Variants in ERBB4 observed in about 807,000 individuals in gnomAD.
ERBB4 encodes the protein receptor tyrosine-protein kinase erbB-4.
In ERBB4, 42 loss-of-function variants were observed where a neutral mutation model predicts 158.0. The observed-to-expected ratio is 0.27, with a 90% confidence interval of 0.21 to 0.34. The LOEUF (loss-of-function observed/expected upper bound fraction) is 0.34. Ranked by LOEUF, ERBB4 falls within the 10% of genes least tolerant of loss-of-function variation. The probability of loss-of-function intolerance (pLI) is 1.00; values close to 1 mark genes in which losing one functional copy is unlikely to be tolerated. For synonymous variants in ERBB4, 583 were observed against 558.7 expected, an observed-to-expected ratio of 1.04 and a Z score of -0.61; for missense variants, 1,333 against 1,624.1, an observed-to-expected ratio of 0.82 and a Z score of 3.08.
intron 25 of ERBB4, among the ~76,000 whole-genome samples, chr2:211,391,434 T>C (rs1443475712): frequency 6.6e-6 from 1 of 152,200 alleles, no homozygotes; most frequent in Non-Finnish European, 1.5e-5. Flanking sequence ...CAGCACTGGG[T>C]GCATCTGTTC....
intron 1 of ERBB4, among the ~76,000 whole-genome samples, chr2:212,291,627 T>C (rs1192380126): frequency 6.6e-6 from 1 of 152,082 alleles, no homozygotes; most frequent in Non-Finnish European, 1.5e-5. Context: ...TTAGATGTCA[T>C]CTGTAGCACA....
chr2:211,602,506 AAC>A (rs2068832509), intron 19 of ERBB4, among the ~76,000 whole-genome samples: 1 of 152,058 alleles, frequency 6.6e-6, no homozygotes. Context: ...AACCTGGCTA[AAC>A]CAGTCAACTT....
At chr2:211,620,379 A>C (rs1051327106) in intron 18 of ERBB4, among the ~76,000 whole-genome samples, 11 of 152,184 alleles carry the variant, frequency 7.2e-5, no homozygotes, top group African/African-American at 2.7e-4. Flanking sequence ...AGTTATAGTC[A>C]TAAAGAAAAA....
At chr2:212,467,561 A>G (rs1483354201) in intron 1 of ERBB4, among the ~76,000 whole-genome samples, 3 of 152,232 alleles carry the variant, frequency 2.0e-5, no homozygotes, top group African/African-American at 7.2e-5. Context: ...AGTGCACATA[A>G]GTCAAGAATT....
chr2:211,958,613 T>C (rs1276557149), intron 2 of ERBB4, among the ~76,000 whole-genome samples: 1 of 152,000 alleles, frequency 6.6e-6, no homozygotes, highest in East Asian at 1.9e-4. Context: ...ATGGAGGAAA[T>C]ATTAAAACAA....
chr2:212,247,009 T>G (rs545903720), intron 1 of ERBB4, among the ~76,000 whole-genome samples: 2 of 152,110 alleles, frequency 1.3e-5, no homozygotes, highest in African/African-American at 2.4e-5. Context: ...AAAATGTGAG[T>G]CATTCAAAAA....
At chr2:211,453,262 A>G (rs1037227790) in intron 20 of ERBB4, among the ~76,000 whole-genome samples, 6 of 152,204 alleles carry the variant, frequency 3.9e-5, no homozygotes, top group Non-Finnish European at 8.8e-5. Context: ...TCATGTCTTT[A>G]AAGTTTAAGT....
At chr2:212,267,597 CT>C (rs5838314) in intron 1 of ERBB4, among the ~76,000 whole-genome samples, 2,243 of 47,628 alleles carry the variant, frequency 0.047, 102 homozygotes, top group East Asian at 0.41. Flanking sequence ...GTTCTCATTT[CT>C]TTTTTTTTTT....
intron 20 of ERBB4, among the ~76,000 whole-genome samples, chr2:211,522,515 C>T (rs1283565137): frequency 2.0e-5 from 3 of 152,172 alleles, no homozygotes; most frequent in Admixed American, 6.5e-5. Context: ...TGACAACAAA[C>T]GATTTAGAGT....
chr2:212,537,822 G>A (rs1693181224), intron 1 of ERBB4, among the ~76,000 whole-genome samples: 1 of 151,676 alleles, frequency 6.6e-6, no homozygotes, highest in African/African-American at 2.4e-5. Context: ...GCTCCGGGAA[G>A]CCGGCGGAAG....
chr2:211,447,855 A>C (rs1449430626), intron 20 of ERBB4, among the ~76,000 whole-genome samples: 1 of 152,230 alleles, frequency 6.6e-6, no homozygotes, highest in Non-Finnish European at 1.5e-5. Flanking sequence ...GAATTAGAAT[A>C]TTTAAATCAA....
intron 2 of ERBB4, among the ~76,000 whole-genome samples, chr2:211,962,026 G>A (rs894751943): frequency 3.3e-5 from 5 of 152,084 alleles, no homozygotes; most frequent in Admixed American, 6.6e-5. Flanking sequence ...TTGGGATAGG[G>A]CACATAGTGG....
At chr2:211,650,948 G>A (rs1321264321) in intron 16 of ERBB4, among the ~76,000 whole-genome samples, 1 of 152,126 alleles carries the variant, frequency 6.6e-6, no homozygotes, top group Non-Finnish European at 1.5e-5. Context: ...ATGGCCATAC[G>A]TGACTAGTGG....
intron 1 of ERBB4, among the ~76,000 whole-genome samples, chr2:212,374,607 A>G (rs1040721788): frequency 1.3e-5 from 2 of 151,890 alleles, no homozygotes; most frequent in Non-Finnish European, 2.9e-5. Context: ...TGAAAATATT[A>G]CAAATATAAA....
At chr2:211,658,850 C>A (rs1294683170) in intron 15 of ERBB4, among the ~76,000 whole-genome samples, 3 of 152,044 alleles carry the variant, frequency 2.0e-5, no homozygotes, top group Non-Finnish European at 4.4e-5. Flanking sequence ...TCATTTTGAA[C>A]CAATATAGAA....
At chr2:212,191,565 AACAC>A (rs1559701220) in intron 1 of ERBB4, among the ~76,000 whole-genome samples, 446 of 22,962 alleles carry the variant, frequency 0.019, 4 homozygotes, top group Non-Finnish European at 0.035. Flanking sequence ...TGTTATATAT[AACAC>A]ATGTGTTATG....
intron 1 of ERBB4, among the ~76,000 whole-genome samples, chr2:212,463,363 A>G (rs1325159371): frequency 6.6e-6 from 1 of 152,124 alleles, no homozygotes; most frequent in Non-Finnish European, 1.5e-5. Flanking sequence ...AATGTACTCC[A>G]GAATATGAAC....
chr2:211,677,199 ATCCAGTGGGATAAT>A (rs2072110066), intron 13 of ERBB4, among the ~76,000 whole-genome samples: 2 of 152,132 alleles, frequency 1.3e-5, no homozygotes, highest in African/African-American at 4.8e-5. Flanking sequence ...TATTTATTGG[ATCCAGTGGGATAAT>A]TCATGAGGCA....
Position 211,702,847 on chromosome 2 carries a change from T to A in ERBB4, c.1290-681A>T, listed in dbSNP as rs189481314. ...CATGCACTCCATACTTGCAAAATAC[T>A]AATATTACTTTGAGTGACAGAAAAT... On this transcript the variant is annotated intron_variant, in intron 11 of 27. Coordinates refer to ENST00000342788, the MANE Select transcript of ERBB4 (RefSeq NM_005235.3). Among the ~76,000 whole-genome samples, 6 of 152,292 alleles carry A rather than the reference T, an allele frequency of 3.9e-5. No individual in the cohort carries two copies. The East Asian group carries it at 1.2e-3, about 29-fold the overall frequency.
Sources: gnomAD v4.1 joint callset for allele counts (sites outside exome capture counted in the v4.1 genomes callset) on GRCh38, gnomAD v4.1.1 for gene constraint, MANE v1.5 for transcripts, NCBI Gene and HGNC (gene_info 2026-07-23, HGNC 2026-07-21) for gene names.